ARMH3: variants seen among roughly 807,000 people sequenced by gnomAD.
ARMH3 encodes armadillo-like helical domain-containing protein 3.
ARMH3 carries 60 observed loss-of-function variants against 99.1 expected under a neutral mutation model. The observed-to-expected ratio is 0.61, with a 90% CI of 0.49 to 0.75. The LOEUF (loss-of-function observed/expected upper bound fraction) is 0.75, where lower values mean the gene tolerates loss of function less well. ARMH3 is among the 30% of genes least tolerant of loss of function. The pLI is 0.00. For synonymous variants in ARMH3, 285 were observed against 292.8 expected (o/e 0.97, Z 0.27); for missense variants, 679 against 843.1 (o/e 0.81, Z 2.41).
In ARMH3 at chr10:101,847,636, T is replaced by C. The variant is rs1294395699; in HGVS notation, c.1978-16A>G. ...TGGATCGAACCTGGGAAAGGGTAGT[T>C]GGGGAAGGTGGGAGGGCGCAGCCAG... On this transcript the variant is annotated splice_polypyrimidine_tract_variant and intron_variant, in intron 25 of 25. Transcript: ENST00000370033. The C allele has an allele frequency of 6.2e-7, 1 of 1,612,514 alleles. No homozygotes were observed.
chr10:102,011,818 G>A, intron 10 of ARMH3, 35 bp from the exon 11 acceptor site: 5 of 1,541,590 alleles, frequency 3.2e-6, no homozygotes, highest in Non-Finnish European at 3.6e-6. Flanking sequence ...CTTTAGGATT[G>A]TTTATCAATT....
chr10:102,017,094 T>C (rs1411893445), intron 8 of ARMH3, among the ~76,000 whole-genome samples: 2 of 152,196 alleles, frequency 1.3e-5, no homozygotes, highest in Non-Finnish European at 2.9e-5. Context: ...ACCCCATTGG[T>C]CATGAGATTG....
At chr10:102,010,649 T>C (rs886314531) in intron 11 of ARMH3, among the ~76,000 whole-genome samples, 2 of 152,202 alleles carry the variant, frequency 1.3e-5, no homozygotes, top group Admixed American at 6.5e-5. Context: ...CACTAAAAAA[T>C]ACCTCTTCCA....
intron 24 of ARMH3, among the ~76,000 whole-genome samples, chr10:101,870,561 T>C (rs1029017180): frequency 2.0e-5 from 3 of 152,230 alleles, no homozygotes; most frequent in African/African-American, 7.2e-5. Flanking sequence ...CTTTACTATA[T>C]GTTTGAAATT....
intron 24 of ARMH3, among the ~76,000 whole-genome samples, chr10:101,854,806 T>C (rs1855883061): frequency 6.6e-6 from 1 of 152,006 alleles, no homozygotes; most frequent in Non-Finnish European, 1.5e-5. Flanking sequence ...ATCTATAAAA[T>C]GAAGACAACA....
intron 25 of ARMH3, among the ~76,000 whole-genome samples, chr10:101,848,256 C>G (rs2066505816): frequency 6.6e-6 from 1 of 152,154 alleles, no homozygotes; most frequent in Non-Finnish European, 1.5e-5. Flanking sequence ...CCTGCCCACT[C>G]GAGAGGAAAG....
chr10:101,943,719 A>G (rs1269835439), intron 22 of ARMH3, among the ~76,000 whole-genome samples: 1 of 152,158 alleles, frequency 6.6e-6, no homozygotes, highest in Non-Finnish European at 1.5e-5. Context: ...GTCAGTAGAA[A>G]CAGACCTAGA....
intron 8 of ARMH3, among the ~76,000 whole-genome samples, chr10:102,017,003 AC>A (rs1195768977): frequency 3.3e-5 from 5 of 152,224 alleles, no homozygotes; most frequent in African/African-American, 1.2e-4. Context: ...CTTAAGTCCA[AC>A]AACTTCTTCA....
At chr10:102,028,075 C>CA (rs373010237) in intron 5 of ARMH3, among the ~76,000 whole-genome samples, 5 of 150,560 alleles carry the variant, frequency 3.3e-5, no homozygotes, top group African/African-American at 1.2e-4. Flanking sequence ...AAAGAAAAGA[C>CA]AGACAAAAAC....
chr10:102,042,061 G>T (rs2067437857), intron 1 of ARMH3, among the ~76,000 whole-genome samples: 1 of 152,198 alleles, frequency 6.6e-6, no homozygotes, highest in Non-Finnish European at 1.5e-5. Context: ...GAAAAGAGAA[G>T]ACTCTTTGGG....
At chr10:102,025,541 T>C (rs535266249) in intron 5 of ARMH3, among the ~76,000 whole-genome samples, 1 of 152,216 alleles carries the variant, frequency 6.6e-6, no homozygotes, top group African/African-American at 2.4e-5. Context: ...AATTAATGAA[T>C]GTTTGCAGTC....
rs534759940 is a variant in ARMH3 at position 101,984,770 on chromosome 10, A to AAT, written c.1406+5779_1406+5780dup. Among the ~76,000 whole-genome samples the AAT allele has an allele frequency of 1.6e-4, 25 of 151,526 alleles. No individual in the cohort carries two copies. The East Asian group carries it at 2.7e-3, about 16-fold the overall frequency. ...TTTTAACCACTGCTATGGCCTTAAA[A>AAT]ATATATATATATACTGGAGGCCAGG... On this transcript the variant is annotated intron_variant, in intron 19 of 25. Coordinates refer to ENST00000370033, the MANE Select transcript of ARMH3 (RefSeq NM_024541.3).
At chr10:102,031,025 C>G (rs995440008) in intron 4 of ARMH3, among the ~76,000 whole-genome samples, 5 of 151,886 alleles carry the variant, frequency 3.3e-5, no homozygotes, top group Non-Finnish European at 7.4e-5. Flanking sequence ...TGCCAGTGAT[C>G]TGCCCCCCTC....
chr10:101,925,084 G>A (rs571143934), intron 23 of ARMH3, among the ~76,000 whole-genome samples: 4 of 152,190 alleles, frequency 2.6e-5, no homozygotes, highest in Non-Finnish European at 5.9e-5. Flanking sequence ...AACTGAACAA[G>A]TGTAGGACGG....
chr10:101,964,825 T>C (rs974268284), intron 20 of ARMH3, among the ~76,000 whole-genome samples: 10 of 145,622 alleles, frequency 6.9e-5, no homozygotes, highest in African/African-American at 2.6e-4. Flanking sequence ...GCCTGTAACA[T>C]GGTGAAACCC....
intron 25 of ARMH3, 29 bp downstream of exon 25, chr10:101,849,747 G>A (rs201136193): frequency 7.5e-6 from 12 of 1,595,840 alleles, no homozygotes; most frequent in South Asian, 2.2e-5. Flanking sequence ...GGGCCCCTAA[G>A]ACACAGGCAG....
chr10:101,854,875 C>T (rs572615212), intron 24 of ARMH3, among the ~76,000 whole-genome samples: 1 of 151,070 alleles, frequency 6.6e-6, no homozygotes, highest in Non-Finnish European at 1.5e-5. Context: ...TTGTACAATG[C>T]CTGGCACATA....
chr10:102,022,734 C>A (rs1242866972), intron 8 of ARMH3, among the ~76,000 whole-genome samples: 1 of 149,250 alleles, frequency 6.7e-6, no homozygotes, highest in Non-Finnish European at 1.5e-5. Context: ...GCGCACACTG[C>A]CACACCCAGC....
intron 18 of ARMH3, among the ~76,000 whole-genome samples, chr10:101,991,555 A>G (rs1474437415): frequency 6.6e-6 from 1 of 152,030 alleles, no homozygotes; most frequent in African/African-American, 2.4e-5. Context: ...TAATTTTTGT[A>G]TTTTCAGTAC....
Sources: gnomAD v4.1 joint callset for allele counts (sites outside exome capture counted in the v4.1 genomes callset) on GRCh38, gnomAD v4.1.1 for gene constraint, MANE v1.5 for transcripts, NCBI Gene and HGNC (gene_info 2026-07-23, HGNC 2026-07-21) for gene names.